WDR64: variants seen among roughly 807,000 people sequenced by gnomAD.
The protein encoded by WDR64 is WD repeat-containing protein 64.
In WDR64, 112 loss-of-function variants were observed where a neutral mutation model predicts 139.3. The observed-to-expected ratio is 0.80, with a 90% CI of 0.69 to 0.94. WDR64 has a LOEUF of 0.94. WDR64 is among the 40% of genes least tolerant of loss of function. The pLI, the probability that WDR64 is intolerant of heterozygous loss-of-function variation, is 0.00. For missense variants in WDR64, 1,206 were observed against 1,293.1 expected (o/e 0.93, Z 1.03); for synonymous variants, 444 against 437.7 (o/e 1.01, Z -0.18).
At chr1:241,776,147 T>G (rs7514569) in intron 21 of WDR64, among the ~76,000 whole-genome samples, 3,590 of 152,194 alleles carry the variant, frequency 0.024, 145 homozygotes, top group African/African-American at 0.082. Context: ...AGTGCAATCC[T>G]GGCTCACTGC....
intron 8 of WDR64, among the ~76,000 whole-genome samples, chr1:241,708,712 G>GTTTT (rs1242904479): frequency 2.3e-5 from 1 of 43,810 alleles, no homozygotes; most frequent in East Asian, 3.3e-4. Flanking sequence ...TTGTTTTTTT[G>GTTTT]TTTTTTTTTT....
At position 241,702,005 on chromosome 1, in the gene WDR64, A is replaced by G. The variant is rs150060609; in HGVS notation, c.975-9797A>G. On this transcript the variant is annotated intron_variant, in intron 8 of 27. Transcript: ENST00000437684. ...TCCTCTCAAAAAAATTTCCATTCAG[A>G]AGTGATTACCATTCTGTTTGTAATT... is the stretch of plus-strand genomic sequence containing the variant. 4.5e-4 allele frequency among the ~76,000 whole-genome samples: 68 copies of G among 152,336 alleles called. 1 individual carries two copies. In the East Asian group the frequency reaches 0.012, roughly 27 times the overall value.
chr1:241,793,920 G>A (rs939147267), intron 25 of WDR64, among the ~76,000 whole-genome samples: 2 of 152,126 alleles, frequency 1.3e-5, no homozygotes, highest in East Asian at 1.9e-4. Flanking sequence ...GGTGGCTCAC[G>A]CCTATAATCT....
At chr1:241,787,331 T>G (rs910174446) in intron 23 of WDR64, among the ~76,000 whole-genome samples, 17 of 135,898 alleles carry the variant, frequency 1.3e-4, no homozygotes, top group Non-Finnish European at 2.1e-4. Context: ...ACCACTGCAC[T>G]ACAGCCTGGG....
In WDR64 at chr1:241,711,799, C is replaced by T. The variant is rs763624231; in HGVS notation, c.975-3C>T. On this transcript the variant is annotated splice_polypyrimidine_tract_variant and splice_region_variant and intron_variant, in intron 8 of 27. Transcript: ENST00000437684. The stretch of plus-strand genomic sequence containing the variant: ...TGTTTTCCATCTAATTTGTGTTTTC[C>T]AGGCCTGTCAGAGAGTTTTCCATGC... 3 of 1,613,994 alleles carry T rather than the reference C, an allele frequency of 1.9e-6. No homozygotes were observed. Among genetic ancestry groups the T allele is most frequent in the South Asian group, 2.2e-5 (2 of 91,068 alleles).
intron 8 of WDR64, among the ~76,000 whole-genome samples, chr1:241,708,780 T>G (rs1401912398): frequency 6.9e-6 from 1 of 144,798 alleles, no homozygotes; most frequent in East Asian, 2.1e-4. Flanking sequence ...GCTCAAGCGA[T>G]CCTCCTACCT....
chr1:241,756,572 T>C (rs773104737), intron 14 of WDR64, among the ~76,000 whole-genome samples: 8 of 152,130 alleles, frequency 5.3e-5, no homozygotes, highest in African/African-American at 9.7e-5. Context: ...TTCATATTCA[T>C]CGGGCAAAAC....
intron 9 of WDR64, among the ~76,000 whole-genome samples, chr1:241,713,421 AG>A (rs1668267552): frequency 2.2e-5 from 3 of 137,648 alleles, no homozygotes; most frequent in East Asian, 2.2e-4. Context: ...AAGGGAAGGA[AG>A]GGAAGGAAGG....
At chr1:241,670,933 T>C (rs1666200758) in intron 2 of WDR64, 141 bp from the exon 3 acceptor site, 1 of 578,746 alleles carries the variant, frequency 1.7e-6, no homozygotes, top group African/African-American at 1.9e-5. Flanking sequence ...TCTCCTGGTA[T>C]AGGGAACCCC....
chr1:241,778,827 A>C (rs1658750719), intron 21 of WDR64, among the ~76,000 whole-genome samples: 1 of 152,160 alleles, frequency 6.6e-6, no homozygotes, highest in Non-Finnish European at 1.5e-5. Flanking sequence ...TATAATTACT[A>C]TCATTCATTT....
chr1:241,779,618 G>A (rs1009654979), intron 21 of WDR64, among the ~76,000 whole-genome samples: 1 of 152,110 alleles, frequency 6.6e-6, no homozygotes, highest in Non-Finnish European at 1.5e-5. Context: ...CTGAGGTCAG[G>A]AGTTCAAGAC....
chr1:241,702,454 C>G (rs1667756295), intron 8 of WDR64, among the ~76,000 whole-genome samples: 1 of 149,516 alleles, frequency 6.7e-6, no homozygotes, highest in South Asian at 2.1e-4. Context: ...ATGCCTGACA[C>G]AAAGTACTCA....
rs114579400 is a variant in WDR64, at chr1:241,778,331, T to C, written c.2537-1673T>C. On this transcript the variant is annotated intron_variant, in intron 21 of 27. Transcript: ENST00000437684. ...TAATACAGCTACACTTGCTTTCTTT[T>C]GATTAGTGTTAGCGTGGTATATCTT... is the stretch of plus-strand genomic sequence containing the variant. Among the ~76,000 whole-genome samples, 1,016 of 152,322 alleles carry C rather than the reference T, an allele frequency of 6.7e-3. 11 individuals are homozygous for C. The highest frequency in any genetic ancestry group is 0.023 in the African/African-American group (971 of 41,584).
At chr1:241,784,657 G>A (rs986079260) in intron 23 of WDR64, among the ~76,000 whole-genome samples, 2 of 152,122 alleles carry the variant, frequency 1.3e-5, no homozygotes, top group African/African-American at 4.8e-5. Context: ...TACTTCCTCT[G>A]TAAGAAAGGA....
chr1:241,675,055 T>TCCCTCCTGC (rs1666447972), intron 4 of WDR64, among the ~76,000 whole-genome samples: 1 of 23,678 alleles, frequency 4.2e-5, no homozygotes, highest in Non-Finnish European at 9.0e-5. Flanking sequence ...TCCTTCCTTT[T>TCCCTCCTGC]CTCCCTTCCT....
intron 22 of WDR64, among the ~76,000 whole-genome samples, chr1:241,780,609 T>G (rs537678601): frequency 5.9e-5 from 9 of 152,326 alleles, no homozygotes; most frequent in African/African-American, 2.2e-4. Context: ...TAGATACTTT[T>G]TTTTGGATCA....
chr1:241,704,575 C>T (rs534952721), intron 8 of WDR64, among the ~76,000 whole-genome samples: 11 of 152,194 alleles, frequency 7.2e-5, no homozygotes, highest in African/African-American at 2.6e-4. Flanking sequence ...GCACAGTTCA[C>T]TCATTTGTAA....
At chr1:241,730,836 CA>C (rs1452887925) in intron 10 of WDR64, among the ~76,000 whole-genome samples, 2 of 152,112 alleles carry the variant, frequency 1.3e-5, no homozygotes, top group Admixed American at 6.5e-5. Context: ...CTTTGATGAC[CA>C]AACCTAGGAA....
At chr1:241,682,912 C>T (rs1424617906) in intron 6 of WDR64, among the ~76,000 whole-genome samples, 1 of 152,150 alleles carries the variant, frequency 6.6e-6, no homozygotes, top group Non-Finnish European at 1.5e-5. Context: ...TCTTGGCACA[C>T]AGAAGGAAAT....
Sources: allele counts gnomAD v4.1 joint callset (sites outside exome capture counted in the v4.1 genomes callset), GRCh38; gene constraint gnomAD v4.1.1; transcripts MANE v1.5; gene names NCBI Gene and HGNC (gene_info 2026-07-23, HGNC 2026-07-21).